The following TMUB2 variants were observed in gnomAD, a reference collection of about 807,000 sequenced individuals.
TMUB2 encodes transmembrane and ubiquitin-like domain-containing protein 2.
TMUB2 carries 19 observed loss-of-function variants against 20.2 expected under a neutral mutation model. The observed-to-expected ratio is 0.94, with a 90% CI of 0.66 to 1.38. The LOEUF (loss-of-function observed/expected upper bound fraction) is 1.38, where lower values mean the gene tolerates loss of function less well. TMUB2 is among the 40% of genes most tolerant of loss of function. TMUB2 has a pLI of 0.00. For missense variants in TMUB2, 426 were observed against 402.5 expected, an observed-to-expected ratio of 1.06 and a Z score of -0.50; for synonymous variants, 186 against 166.0, an observed-to-expected ratio of 1.12 and a Z score of -0.92.
chr17:44,190,750 G>A lies in TMUB2; in HGVS notation c.852G>A (p.Val284=). Residue 284 remains valine (V), a synonymous_variant, in exon 4 of 4, where the codon GTG becomes GTA. Transcript: ENST00000538716. ...CTGTCTTTGTGGTGCTGTTGGGTGT[G>A]GTCTGGTACTTCCGAATCAATTACC... is the stretch of plus-strand genomic sequence containing the variant. The part of the protein sequence containing the change: ...MVPVFVVLLG[V]VWYFRINYRQ... 1.9e-6 allele frequency: 3 copies of A among 1,614,220 alleles called. No homozygotes were observed. The highest frequency in any genetic ancestry group is 2.2e-5 in the East Asian group (1 of 44,888).
intron 3 of TMUB2, 129 bp from the exon 4 acceptor site, chr17:44,190,372 G>C: frequency 1.5e-6 from 1 of 655,710 alleles, no homozygotes; most frequent in Non-Finnish European, 2.3e-6. Context: ...AAAAAAAAAA[G>C]GATAAAGATG....
intron 2 of TMUB2, among the ~76,000 whole-genome samples, chr17:44,188,326 C>G (rs148535813): frequency 6.6e-6 from 1 of 152,200 alleles, no homozygotes; most frequent in African/African-American, 2.4e-5. Context: ...CTTCTGGTGT[C>G]TGTCCCAAGT....
rs1026388476 is a variant in TMUB2 at position 44,191,407 on chromosome 17, CT to C, written c.*545del. ...CCGCCTTCACCTTCTTCCTCTACCC[CT>C]TAGCAGGAATAGGGTGTCCTCCCTT... On this transcript the variant is annotated 3_prime_UTR_variant, in exon 4 of 4. Transcript: ENST00000538716. 6.1e-6 allele frequency: 6 copies of C among 986,930 alleles called. No homozygotes were observed. The highest frequency in any genetic ancestry group is 7.2e-6 in the Non-Finnish European group (6 of 830,742). The allele number at this position is 986,930 out of a possible 1,614,324, so 61.1% of individuals were successfully genotyped here. A position where few individuals can be genotyped will look rare whatever the true frequency, so the allele number is the denominator to read the frequency against.
chr17:44,188,571 C>T (rs1017749492), intron 2 of TMUB2, among the ~76,000 whole-genome samples: 3 of 152,134 alleles, frequency 2.0e-5, no homozygotes, highest in African/African-American at 7.2e-5. Context: ...AGGGGGGCCC[C>T]ACAGTAAAAT....
chr17:44,189,090 AGGTGAT>A lies in TMUB2; in HGVS notation c.109_114del (p.Met37_Val38del). The A allele has an allele frequency of 6.2e-7, 1 of 1,613,884 alleles. No individual in the cohort carries two copies. Among genetic ancestry groups the A allele is most frequent in the Non-Finnish European group, 8.5e-7 (1 of 1,179,968 alleles). On this transcript the variant is annotated inframe_deletion, in exon 3 of 4. Coordinates refer to ENST00000538716, the MANE Select transcript of TMUB2 (RefSeq NM_001076674.3). ...ACCCTCATTGAGGGTGTGGGTAATG[AGGTGAT>A]GGTGGTGGCAGGTGTGGTGGTGCTG...
In TMUB2 at chr17:44,191,192, T is replaced by G; in HGVS notation, c.*328T>G. ...TCCCTCCCACCTGTGGTTCTGACTC[T>G]TCCCAGTGTCCTGCATGTCTGCCCC... On this transcript the variant is annotated 3_prime_UTR_variant, in exon 4 of 4. Coordinates refer to ENST00000538716, the MANE Select transcript of TMUB2 (RefSeq NM_001076674.3). 1.8e-6 allele frequency: 2 copies of G among 1,095,916 alleles called. No homozygotes were observed. Among genetic ancestry groups the G allele is most frequent in the Non-Finnish European group, 1.1e-6 (1 of 897,824 alleles). The allele number at this position is 1,095,916 out of a possible 1,614,324, so 67.9% of individuals were successfully genotyped here.
At chr17:44,190,438 A>G (rs1029083754) in intron 3 of TMUB2, 63 bp from the exon 4 acceptor site, 14 of 1,515,312 alleles carry the variant, frequency 9.2e-6, no homozygotes, top group South Asian at 1.3e-5. Flanking sequence ...TTGTTGGTCC[A>G]GGCCTGTTTG....
chr17:44,189,103 G>GAC lies in TMUB2; in HGVS notation c.117_118insAC (p.Ala40ThrfsTer7). ...GTGTGGGTAATGAGGTGATGGTGGTGGCAGGTGTGGTGGTGCTGATTCTAG... is the reference window on the plus strand; with the variant it reads ...GTGTGGGTAATGAGGTGATGGTGGTGACGCAGGTGTGGTGGTGCTGATTCTAG... On this transcript the variant is annotated frameshift_variant, in exon 3 of 4. Transcript: ENST00000538716. LOFTEE classifies it high-confidence loss of function. 1 of 1,614,090 alleles carries GAC rather than the reference G, an allele frequency of 6.2e-7. No homozygotes were observed. The highest frequency in any genetic ancestry group is 8.5e-7 in the Non-Finnish European group (1 of 1,180,026).
At chr17:44,188,074 C>T (rs11080007) in intron 2 of TMUB2, 95,070 of 276,776 alleles carry the variant, frequency 0.34, 18,319 homozygotes, top group East Asian at 0.67. Flanking sequence ...AATCACCAGA[C>T]TGGATTTGCC....
intron 2 of TMUB2, 106 bp from the exon 3 acceptor site, chr17:44,188,915 TC>T: frequency 6.9e-7 from 1 of 1,439,926 alleles, no homozygotes. Context: ...AACACTGAAC[TC>T]CTTTTTTTTT....
chr17:44,188,680 C>T (rs1019985654), intron 2 of TMUB2, among the ~76,000 whole-genome samples: 2 of 152,154 alleles, frequency 1.3e-5, no homozygotes, highest in Non-Finnish European at 2.9e-5. Context: ...ACTCAGGCCT[C>T]AGCAAAGATT....
In TMUB2 at chr17:44,191,865, C is replaced by A. The variant is rs574875471; in HGVS notation, c.*1001C>A. The A allele has an allele frequency of 2.4e-6, 1 of 424,948 alleles. No individual in the cohort carries two copies. Among genetic ancestry groups the A allele is most frequent in the Non-Finnish European group, 3.1e-6 (1 of 318,020 alleles). The allele number at this position is 424,948 out of a possible 1,614,324, so 26.3% of individuals were successfully genotyped here. On this transcript the variant is annotated 3_prime_UTR_variant, in exon 4 of 4. Transcript: ENST00000538716. ...CCATGGGGGCAGAGGGAATACACAG[C>A]GTTTACAAAGTTAGCTACCTGTACA...
chr17:44,187,576 C>T, intron 1 of TMUB2, 100 bp from the exon 2 acceptor site: 2 of 668,130 alleles, frequency 3.0e-6, no homozygotes, highest in Non-Finnish European at 5.6e-6. Context: ...GTTTCTTTTC[C>T]TGTAAATCAT....
Position 44,187,714 on chromosome 17 carries a change from T to G in TMUB2, c.6T>G (p.Ile2Met), listed in dbSNP as rs1210761913. M[I>M]SRHLQNNLMS... ...GTGCCAAGTATTTTGCTTCGATGAT[T>G]TCACGTCATCTTCAAAACAACCTCA... The change falls in exon 2 of 4, where the codon ATT becomes ATG. Residue 2 changes from isoleucine to methionine, a missense_variant. Coordinates refer to ENST00000538716, the MANE Select transcript of TMUB2 (RefSeq NM_001076674.3). The G allele has an allele frequency of 2.8e-6, 2 of 718,656 alleles. No individual in the cohort carries two copies. Among genetic ancestry groups the G allele is most frequent in the East Asian group, 2.7e-5 (1 of 37,300 alleles). The allele number at this position is 718,656 out of a possible 1,614,324, so 44.5% of individuals were successfully genotyped here. A position where few individuals can be genotyped will look rare whatever the true frequency, so the allele number is the denominator to read the frequency against.
At chr17:44,190,387 A>G (rs964211632) in intron 3 of TMUB2, 114 bp from the exon 4 acceptor site, 74 of 1,015,654 alleles carry the variant, frequency 7.3e-5, no homozygotes, top group Non-Finnish European at 9.3e-5. Flanking sequence ...AAGATGAGGG[A>G]AAAAAAAATC....
At chr17:44,190,212 A>C in intron 3 of TMUB2, 1 of 252,046 alleles carries the variant, frequency 4.0e-6, no homozygotes. Flanking sequence ...TTAGCTGGGC[A>C]TGGTGGCGCA....
At position 44,189,380 on chromosome 17, in the gene TMUB2, C is replaced by A. The variant is rs748090559; in HGVS notation, c.394C>A (p.Pro132Thr). The change falls in exon 3 of 4, where the codon CCC becomes ACC. Residue 132 changes from proline to threonine, a missense_variant. Coordinates refer to ENST00000538716, the MANE Select transcript of TMUB2 (RefSeq NM_001076674.3). ...GEAGAGGGVEPSLEHLLDIQG... is the reference protein window; with the variant it reads ...GEAGAGGGVETSLEHLLDIQG... ...GGCTGGAGCTGGGGGTGGTGTTGAG[C>A]CCAGCCTTGAGCATCTCCTTGACAT... is the stretch of plus-strand genomic sequence containing the variant. The A allele has an allele frequency of 6.2e-7, 1 of 1,611,938 alleles. No homozygotes were observed. Among genetic ancestry groups the A allele is most frequent in the Non-Finnish European group, 8.5e-7 (1 of 1,178,902 alleles).
chr17:44,189,788 G>A, intron 3 of TMUB2, 200 bp downstream of exon 3: 2 of 499,984 alleles, frequency 4.0e-6, no homozygotes, highest in Non-Finnish European at 7.0e-6. Context: ...CGAGGCGGGT[G>A]CATCACGAGG....
intron 3 of TMUB2, 129 bp from the exon 4 acceptor site, chr17:44,190,366 AAAAAAG>A: frequency 3.3e-6 from 3 of 907,538 alleles, no homozygotes; most frequent in Non-Finnish European, 4.7e-6. Context: ...AAAAAAAAAA[AAAAAAG>A]GATAAAGATG....
Sources: allele counts gnomAD v4.1 joint callset (sites outside exome capture counted in the v4.1 genomes callset), GRCh38; gene constraint gnomAD v4.1.1; transcripts MANE v1.5; gene names NCBI Gene and HGNC (gene_info 2026-07-23, HGNC 2026-07-21).